ADAMTSL3: variants seen among roughly 807,000 people sequenced by gnomAD.
The protein encoded by ADAMTSL3 is ADAMTS like 3.
A neutral mutation model predicts 201.7 loss-of-function variants in ADAMTSL3; 128 were observed. The ratio of observed to expected loss-of-function variants is 0.63; its 90% CI spans 0.55 to 0.73. The LOEUF is 0.73. Ranked by LOEUF, ADAMTSL3 falls within the 30% of genes least tolerant of loss-of-function variation. The pLI is 0.00. For missense variants in ADAMTSL3, 1,990 were observed against 2,119.6 expected, an observed-to-expected ratio of 0.94 and a Z score of 1.20; for synonymous variants, 738 against 748.4, an observed-to-expected ratio of 0.99 and a Z score of 0.23.
chr15:84,025,435 G>A lies in ADAMTSL3; in HGVS notation c.4655G>A (p.Arg1552Gln), dbSNP rs772236407. The A allele has an allele frequency of 5.6e-6, 9 of 1,613,206 alleles. No individual in the cohort carries two copies. Among genetic ancestry groups the A allele is most frequent in the South Asian group, 2.2e-5 (2 of 90,900 alleles). The change falls in exon 27 of 30, where the codon CGG becomes CAG. Residue 1552 changes from arginine (R) to glutamine (Q), a missense_variant and splice_region_variant. Arg to Gln is a conservative substitution (Grantham distance 43, BLOSUM62 1). Transcript: ENST00000286744. The part of the protein sequence containing the change: ...HPCVQWEPGN[R>Q]CPGRCMGRAV... ...TGTGTTCAGTGGGAACCAGGGAACC[G>A]GGTAAAGCTAACACATCTAGTTTGT...
At chr15:84,027,595 G>A (rs187995327) in intron 27 of ADAMTSL3, among the ~76,000 whole-genome samples, 14 of 151,806 alleles carry the variant, frequency 9.2e-5, no homozygotes, top group African/African-American at 3.1e-4. Flanking sequence ...CTGTAGTCCC[G>A]GCTACTTGGG....
chr15:84,006,048 A>G (rs1469418085), intron 23 of ADAMTSL3, among the ~76,000 whole-genome samples: 1 of 152,218 alleles, frequency 6.6e-6, no homozygotes, highest in Non-Finnish European at 1.5e-5. Context: ...TTAACTCAGA[A>G]GAGGAACGTT....
At chr15:84,014,479 A>T (rs972002238) in intron 23 of ADAMTSL3, 63 bp from the exon 24 acceptor site, 1 of 1,447,462 alleles carries the variant, frequency 6.9e-7, no homozygotes. Context: ...GGTATTTGTC[A>T]AGTGGTTCTG....
chr15:83,729,382 A>AACT, intron 3 of ADAMTSL3, among the ~76,000 whole-genome samples: 1 of 152,172 alleles, frequency 6.6e-6, no homozygotes, highest in South Asian at 2.1e-4. Context: ...TAACACCAAT[A>AACT]ACTCTTAGAT....
At position 83,924,024 on chromosome 15, in the gene ADAMTSL3, G is replaced by A; in HGVS notation, c.2108G>A (p.Cys703Tyr). The change falls in exon 17 of 30, where the codon TGT (cysteine) becomes TAT (tyrosine). Residue 703 changes from cysteine to tyrosine, a missense_variant. Coordinates refer to ENST00000286744, the MANE Select transcript of ADAMTSL3 (RefSeq NM_207517.3). ...AGCCAGGCCTGTAACACAGAGCCCT[G>A]TCCCCCCAGGTATGTGCTGTCTTGT... ...AMSQACNTEP[C>Y]PPRWHVGSWG... 1 of 1,614,072 alleles carries A rather than the reference G, an allele frequency of 6.2e-7. No individual in the cohort carries two copies. The highest frequency in any genetic ancestry group is 1.1e-5 in the South Asian group (1 of 91,074).
chr15:83,754,987 T>A (rs753732221), intron 3 of ADAMTSL3, among the ~76,000 whole-genome samples: 2 of 152,224 alleles, frequency 1.3e-5, no homozygotes, highest in Non-Finnish European at 2.9e-5. Flanking sequence ...TTATTATATA[T>A]GCTAATTTAA....
intron 7 of ADAMTSL3, among the ~76,000 whole-genome samples, chr15:83,848,976 C>T (rs2064555588): frequency 6.6e-6 from 1 of 152,064 alleles, no homozygotes; most frequent in Admixed American, 6.6e-5. Context: ...CTCTTACCAC[C>T]AAATTTCAAT....
chr15:84,006,102 A>G (rs969517870), intron 23 of ADAMTSL3, among the ~76,000 whole-genome samples: 2 of 152,334 alleles, frequency 1.3e-5, no homozygotes, highest in East Asian at 3.9e-4. Flanking sequence ...CCTGCAGTTA[A>G]GAAGAGTGCA....
At chr15:83,800,019 A>C (rs1280387967) in intron 4 of ADAMTSL3, among the ~76,000 whole-genome samples, 1 of 152,154 alleles carries the variant, frequency 6.6e-6, no homozygotes, top group East Asian at 1.9e-4. Flanking sequence ...ATTGTAACCA[A>C]AGCAAGCCAC....
At chr15:84,011,907 A>G (rs922750769) in intron 23 of ADAMTSL3, among the ~76,000 whole-genome samples, 1 of 152,214 alleles carries the variant, frequency 6.6e-6, no homozygotes, top group African/African-American at 2.4e-5. Flanking sequence ...ACATCTACCT[A>G]TGTTGTGGTT....
chr15:83,923,286 A>C (rs1380785171), intron 16 of ADAMTSL3, among the ~76,000 whole-genome samples: 1 of 152,178 alleles, frequency 6.6e-6, no homozygotes, highest in African/African-American at 2.4e-5. Context: ...GGAGGTAATA[A>C]TACTATTCTT....
chr15:83,716,400 G>A (rs973747270), intron 3 of ADAMTSL3, among the ~76,000 whole-genome samples: 4 of 151,360 alleles, frequency 2.6e-5, no homozygotes, highest in South Asian at 2.1e-4. Context: ...GCCTGTAATC[G>A]CAGCTACTCA....
chr15:83,658,866 CT>C lies in ADAMTSL3; in HGVS notation c.69+3044del, dbSNP rs137976863. Among the ~76,000 whole-genome samples, 632 of 152,158 alleles carry C rather than the reference CT, an allele frequency of 4.2e-3. 2 individuals are homozygous for C. The highest frequency in any genetic ancestry group is 0.014 in the African/African-American group (589 of 41,514). ...TGCCCTGAATTACAACGTGCCCCCC[CT>C]TTTTTTTCTCTTGCCCATGAGAAGA... On this transcript the variant is annotated intron_variant, in intron 2 of 29. Transcript: ENST00000286744.
At chr15:83,771,167 C>CTTT (rs10572931) in intron 3 of ADAMTSL3, among the ~76,000 whole-genome samples, 1 of 134,350 alleles carries the variant, frequency 7.4e-6, no homozygotes, top group South Asian at 2.3e-4. Flanking sequence ...TTTCTGGACT[C>CTTT]TTTTTTTTTT....
At chr15:83,915,333 A>C (rs2066015702) in intron 16 of ADAMTSL3, among the ~76,000 whole-genome samples, 1 of 152,108 alleles carries the variant, frequency 6.6e-6, no homozygotes, top group African/African-American at 2.4e-5. Context: ...TTGCTCAAAG[A>C]GAGATGACCA....
At chr15:83,712,013 T>A (rs1046964077) in intron 3 of ADAMTSL3, among the ~76,000 whole-genome samples, 2 of 152,182 alleles carry the variant, frequency 1.3e-5, no homozygotes, top group African/African-American at 4.8e-5. Context: ...AGAGATAAGT[T>A]CTGTTCTGAC....
intron 19 of ADAMTSL3, among the ~76,000 whole-genome samples, chr15:83,964,936 A>C (rs1331222276): frequency 1.3e-5 from 2 of 152,218 alleles, no homozygotes; most frequent in African/African-American, 4.8e-5. Flanking sequence ...TTCATAAGCG[A>C]AGGAGAAATA....
At position 83,942,700 on chromosome 15, in the gene ADAMTSL3, A is replaced by T. The variant is rs551179511; in HGVS notation, c.2222A>T (p.Glu741Val). ...CCAGGGGAGACCCCTGCCCCTCCTG[A>T]GGAGTGCCGAGATGAAAAGCCCCAT... ...LHPGETPAPP[E>V]ECRDEKPHAL... The change falls in exon 18 of 30, where the codon GAG (glutamate) becomes GTG (valine). Residue 741 changes from glutamate (E) to valine (V), a missense_variant. By Grantham distance (121) the Glu-to-Val change is moderately radical (BLOSUM62 -2). Coordinates refer to ENST00000286744, the MANE Select transcript of ADAMTSL3 (RefSeq NM_207517.3). 7 of 1,613,846 alleles carry T rather than the reference A, an allele frequency of 4.3e-6. No individual in the cohort carries two copies. The South Asian group carries it at 7.7e-5, about 18-fold the overall frequency.
At chr15:83,893,870 T>A (rs1303762925) in intron 13 of ADAMTSL3, among the ~76,000 whole-genome samples, 17 of 152,138 alleles carry the variant, frequency 1.1e-4, no homozygotes, top group Admixed American at 1.1e-3. Context: ...TTCTAGAGAG[T>A]GAGATGTAGT....
Sources: gnomAD v4.1 joint callset for allele counts (sites outside exome capture counted in the v4.1 genomes callset) on GRCh38, gnomAD v4.1.1 for gene constraint, MANE v1.5 for transcripts, NCBI Gene and HGNC (gene_info 2026-07-23, HGNC 2026-07-21) for gene names.